SLC9B1: variants seen among roughly 807,000 people sequenced by gnomAD.
SLC9B1 encodes the protein sodium/hydrogen exchanger 9B1.
SLC9B1 carries 32 observed loss-of-function variants against 51.7 expected under a neutral mutation model. That is an observed-to-expected ratio of 0.62 (90% CI 0.47 to 0.83). The LOEUF is 0.83. Ranked by LOEUF, SLC9B1 falls within the 40% of genes least tolerant of loss-of-function variation. The pLI is 0.00. For synonymous variants in SLC9B1, 145 were observed against 212.7 expected (o/e 0.68, Z 2.77); for missense variants, 406 against 613.2 (o/e 0.66, Z 3.57).
At chr4:103,002,071 C>T (rs919852351) in intron 1 of SLC9B1, among the ~76,000 whole-genome samples, 2 of 152,162 alleles carry the variant, frequency 1.3e-5, no homozygotes, top group Non-Finnish European at 2.9e-5. Context: ...ATCTTGAGGA[C>T]AGCATGGGGA....
At chr4:102,975,529 A>G (rs1655756034) in intron 3 of SLC9B1, among the ~76,000 whole-genome samples, 1 of 148,246 alleles carries the variant, frequency 6.7e-6, no homozygotes, top group East Asian at 2.0e-4. Flanking sequence ...AATAGTACAC[A>G]GGAAGCTTCA....
At position 102,978,508 on chromosome 4, in the gene SLC9B1, T is replaced by C. The variant is rs1739194255; in HGVS notation, c.211+11292A>G. On this transcript the variant is annotated intron_variant, in intron 3 of 11. Coordinates refer to ENST00000296422, the MANE Select transcript of SLC9B1 (RefSeq NM_139173.4). ...ATCCCATCAACCAGTGGGCGAAGGA[T>C]ATGAACAGACTTCTCAAAAGAAGAC... 2.0e-5 allele frequency among the ~76,000 whole-genome samples: 3 copies of C among 152,224 alleles called. No individual in the cohort carries two copies. The South Asian group carries it at 6.2e-4, about 32-fold the overall frequency.
At chr4:102,893,103 T>A (rs1734332483) in intron 11 of SLC9B1, among the ~76,000 whole-genome samples, 1 of 151,292 alleles carries the variant, frequency 6.6e-6, no homozygotes, top group Non-Finnish European at 1.5e-5. Flanking sequence ...GCCAACATCG[T>A]GAAAACTCGT....
At chr4:102,978,407 A>G (rs1413872412) in intron 3 of SLC9B1, among the ~76,000 whole-genome samples, 4 of 152,186 alleles carry the variant, frequency 2.6e-5, no homozygotes, top group Non-Finnish European at 5.9e-5. Context: ...AATTTTTGCA[A>G]TCTACTCATC....
At chr4:102,913,796 T>C (rs1449236279) in intron 7 of SLC9B1, among the ~76,000 whole-genome samples, 2 of 71,448 alleles carry the variant, frequency 2.8e-5, no homozygotes, top group East Asian at 4.4e-4. Context: ...AGATAGAAAC[T>C]AAAAAAAAAA....
At chr4:102,937,608 C>T (rs963979634) in intron 6 of SLC9B1, among the ~76,000 whole-genome samples, 25 of 149,884 alleles carry the variant, frequency 1.7e-4, no homozygotes, top group Non-Finnish European at 3.1e-4. Flanking sequence ...GTCTGTAGTC[C>T]CAGCTACTCG....
At chr4:102,995,904 C>T (rs1740190255) in intron 1 of SLC9B1, among the ~76,000 whole-genome samples, 2 of 152,216 alleles carry the variant, frequency 1.3e-5, no homozygotes, top group South Asian at 2.1e-4. Flanking sequence ...TTCCTCAATT[C>T]TCTCAACAAC....
chr4:102,979,085 G>A (rs1460307417), intron 3 of SLC9B1, among the ~76,000 whole-genome samples: 1 of 152,166 alleles, frequency 6.6e-6, no homozygotes, highest in East Asian at 1.9e-4. Context: ...TAATTGAATG[G>A]ATGACTTCTT....
intron 7 of SLC9B1, among the ~76,000 whole-genome samples, chr4:102,916,811 CA>C (rs944173236): frequency 6.6e-6 from 1 of 152,136 alleles, no homozygotes. Flanking sequence ...GTGGAAATTA[CA>C]AAAATATACT....
intron 7 of SLC9B1, among the ~76,000 whole-genome samples, chr4:102,913,796 T>TAAAAAAAAAAAAAAAAAAAAAAAAAAA (rs61244946): frequency 4.2e-5 from 3 of 71,448 alleles, no homozygotes; most frequent in South Asian, 5.7e-4. Context: ...AGATAGAAAC[T>TAAAAAAAAAAAAAAAAAAAAAAAAAAA]AAAAAAAAAA....
chr4:103,003,637 T>G (rs1740641034), intron 1 of SLC9B1, among the ~76,000 whole-genome samples: 1 of 152,124 alleles, frequency 6.6e-6, no homozygotes, highest in Admixed American at 6.5e-5. Context: ...TGTGTGAGCA[T>G]GCAAAGATCC....
chr4:102,943,463 T>C (rs1449470196), intron 6 of SLC9B1, among the ~76,000 whole-genome samples: 2 of 149,510 alleles, frequency 1.3e-5, no homozygotes, highest in Non-Finnish European at 3.0e-5. Flanking sequence ...ATACAGAAAA[T>C]GTGGTGTATA....
rs868565413 is a variant in SLC9B1, at chr4:103,006,938, T to C, written c.-2+12661A>G. Among the ~76,000 whole-genome samples the C allele has an allele frequency of 2.0e-5, 3 of 152,232 alleles. 1 individual carries two copies. The highest frequency in any genetic ancestry group is 4.1e-4 in the South Asian group (2 of 4,832). ...TTTAATAAAATTCAGCATAACTTCA[T>C]GTTAAAAGCCTTCAACAAATAGGCA... On this transcript the variant is annotated intron_variant, in intron 1 of 11. Transcript: ENST00000296422.
downstream of SLC9B1, chr4:102,896,635 A>C (rs1487336051): frequency 6.6e-6 from 1 of 152,240 alleles, no homozygotes; most frequent in Non-Finnish European, 1.5e-5. Context: ...GGCTTCAACC[A>C]GGACCCGCAG....
intron 3 of SLC9B1, among the ~76,000 whole-genome samples, chr4:102,969,819 G>A (rs1460434440): frequency 6.6e-6 from 1 of 152,120 alleles, no homozygotes; most frequent in Non-Finnish European, 1.5e-5. Flanking sequence ...TGAAAACCAT[G>A]GCATGAGAAC....
chr4:102,955,843 G>GAGAAAGAAAGAAAGAA (rs56088004), intron 3 of SLC9B1, among the ~76,000 whole-genome samples: 36 of 106,848 alleles, frequency 3.4e-4, no homozygotes, highest in Non-Finnish European at 4.2e-4. Context: ...GAAAGAGAGA[G>GAGAAAGAAAGAAAGAA]AGAAAGAAAG....
intron 1 of SLC9B1, among the ~76,000 whole-genome samples, chr4:103,006,281 A>G (rs529152912): frequency 3.1e-4 from 47 of 152,110 alleles, no homozygotes; most frequent in Non-Finnish European, 6.5e-4. Flanking sequence ...AAAAAAAGAG[A>G]GAACATCCCA....
chr4:102,910,313 A>T, intron 9 of SLC9B1, 126 bp downstream of exon 9: 1 of 735,670 alleles, frequency 1.4e-6, no homozygotes, highest in Non-Finnish European at 2.1e-6. Context: ...CGATTGATTC[A>T]TACACTTTCT....
chr4:102,941,744 G>A (rs991020464), intron 6 of SLC9B1, among the ~76,000 whole-genome samples: 13 of 149,448 alleles, frequency 8.7e-5, no homozygotes, highest in African/African-American at 3.2e-4. Flanking sequence ...CCGAGAACTG[G>A]AACAAGACAA....
Sources: allele counts gnomAD v4.1 joint callset (sites outside exome capture counted in the v4.1 genomes callset), GRCh38; gene constraint gnomAD v4.1.1; transcripts MANE v1.5; gene names NCBI Gene and HGNC (gene_info 2026-07-23, HGNC 2026-07-21).